ZNF235: variants seen among roughly 807,000 people sequenced by gnomAD.
ZNF235 encodes zfp-93.
A neutral mutation model predicts 29.4 loss-of-function variants in ZNF235; 25 were observed. That is an observed-to-expected ratio of 0.85 (90% CI 0.62 to 1.19). The LOEUF (loss-of-function observed/expected upper bound fraction) is 1.19. Ranked by LOEUF, ZNF235 falls within the 50% of genes most tolerant of loss-of-function variation. The probability of loss-of-function intolerance (pLI) is 0.00; values close to 1 mark genes in which losing one functional copy is unlikely to be tolerated. For synonymous variants in ZNF235, 300 were observed against 295.3 expected, an observed-to-expected ratio of 1.02 and a Z score of -0.16; for missense variants, 788 against 885.0, an observed-to-expected ratio of 0.89 and a Z score of 1.39.
At chr19:44,299,881 G>A (rs540804073) in intron 2 of ZNF235, 149 bp from the exon 3 acceptor site, 353 of 1,192,358 alleles carry the variant, frequency 3.0e-4, no homozygotes, top group African/African-American at 2.2e-3. Flanking sequence ...TACATGTAAC[G>A]TGGTGCCCTT....
chr19:44,292,913 G>T (rs1975604163), intron 4 of ZNF235, among the ~76,000 whole-genome samples: 1 of 152,048 alleles, frequency 6.6e-6, no homozygotes, highest in African/African-American at 2.4e-5. Context: ...CAAGCCAGAA[G>T]AGATTGGATT....
At chr19:44,301,988 A>C (rs911285135) in intron 2 of ZNF235, among the ~76,000 whole-genome samples, 1 of 152,238 alleles carries the variant, frequency 6.6e-6, no homozygotes, top group African/African-American at 2.4e-5. Flanking sequence ...TGCATCTTTA[A>C]AATATAATAA....
intron 4 of ZNF235, among the ~76,000 whole-genome samples, chr19:44,294,807 T>G (rs1398735022): frequency 6.6e-6 from 1 of 152,056 alleles, no homozygotes; most frequent in African/African-American, 2.4e-5. Flanking sequence ...TAAATGTGAT[T>G]CAGCCTATAA....
chr19:44,300,194 T>A (rs370745941), intron 2 of ZNF235, among the ~76,000 whole-genome samples: 3 of 152,140 alleles, frequency 2.0e-5, no homozygotes, highest in African/African-American at 7.2e-5. Context: ...CAAGGGTCTA[T>A]CCATTGCTAG....
Position 44,293,426 on chromosome 19 carries a change from A to G in ZNF235, c.239-4230T>C, listed in dbSNP as rs1369213364. Among the ~76,000 whole-genome samples, 3 of 152,246 alleles carry G rather than the reference A, an allele frequency of 2.0e-5. No homozygotes were observed. The East Asian group carries it at 5.8e-4, about 29-fold the overall frequency. On this transcript the variant is annotated intron_variant, in intron 4 of 4. Transcript: ENST00000291182. ...ACCAAACATCAGGGCACCCAAATTC[A>G]TAAAACAAATATTATTAGACCTAAA... is the stretch of plus-strand genomic sequence containing the variant.
At chr19:44,289,317 G>T in intron 4 of ZNF235, 121 bp from the exon 5 acceptor site, 1 of 857,584 alleles carries the variant, frequency 1.2e-6, no homozygotes, top group Non-Finnish European at 1.7e-6. Context: ...TAGACTGGCT[G>T]AAATAAATTT....
At position 44,288,761 on chromosome 19, in the gene ZNF235, T is replaced by C. The variant is rs1257494055; in HGVS notation, c.674A>G (p.Asp225Gly). The change falls in exon 5 of 5, where the codon GAT (aspartate) becomes GGT (glycine). Residue 225 changes from aspartate to glycine, a missense_variant. By Grantham distance (94) the Asp-to-Gly change is moderately conservative. Transcript: ENST00000291182. ...DIFSCISHHHDDNIVHKRDKV... is the reference protein window; with the variant it reads ...DIFSCISHHHGDNIVHKRDKV... ...ATCTCTTTTGTGCACTATATTATCA[T>C]CATGGTGGTGTGAAATACAACTGAA... 2 of 1,613,936 alleles carry C rather than the reference T, an allele frequency of 1.2e-6. No homozygotes were observed. The highest frequency in any genetic ancestry group is 1.7e-6 in the Non-Finnish European group (2 of 1,179,986).
In ZNF235 at chr19:44,288,630, C is replaced by A; in HGVS notation, c.805G>T (p.Glu269Ter). 6.2e-7 allele frequency: 1 copy of A among 1,614,044 alleles called. No homozygotes were observed. Among genetic ancestry groups the A allele is most frequent in the African/African-American group, 1.3e-5 (1 of 75,066 alleles). The change falls in exon 5 of 5, where the codon GAA becomes TAA. Residue 269 changes from glutamate (E) to a stop codon, truncating the protein, a stop_gained. Coordinates refer to ENST00000291182, the MANE Select transcript of ZNF235 (RefSeq NM_004234.4). LOFTEE classifies it low-confidence loss of function (END_TRUNC). ...GQKTYQGNEC[E>*]EAFNDSSSLE... ...CTGGAGCTATCATTGAAGGCTTCTT[C>A]ACATTCATTACCCTGGTAGGTTTTC...
chr19:44,299,504 TACACAGGATAGCCTGATACA>T, intron 3 of ZNF235, 82 bp downstream of exon 3: 1 of 1,479,438 alleles, frequency 6.8e-7, no homozygotes, highest in South Asian at 1.3e-5. Flanking sequence ...CATCCCAAAA[TACACAGGATAGCCTGATACA>T]ACACAGAATT....
At chr19:44,294,423 A>G (rs1263675275) in intron 4 of ZNF235, among the ~76,000 whole-genome samples, 2 of 152,110 alleles carry the variant, frequency 1.3e-5, no homozygotes, top group Admixed American at 1.3e-4. Flanking sequence ...TGAATCAGCA[A>G]TGCAAAACCT....
chr19:44,304,818 T>G, intron 1 of ZNF235, 153 bp downstream of exon 1: 1 of 985,488 alleles, frequency 1.0e-6, no homozygotes, highest in Non-Finnish European at 1.2e-6. Flanking sequence ...CAAGAGGTTC[T>G]GCCGAGGGGA....
In ZNF235 at chr19:44,287,834, T is replaced by C; in HGVS notation, c.1601A>G (p.Gln534Arg). The change falls in exon 5 of 5, where the codon CAG (glutamine) becomes CGG (arginine). Residue 534 changes from glutamine (Q) to arginine (R), a missense_variant. Coordinates refer to ENST00000291182, the MANE Select transcript of ZNF235 (RefSeq NM_004234.4). ...FSQSSYFQAH[Q>R]RVHTGEKPYK... ...TGGTTTTTCTCCAGTGTGGACTCTC[T>C]GATGTGCTTGAAAGTATGAACTCTG... 1.2e-6 allele frequency: 2 copies of C among 1,613,950 alleles called. No homozygotes were observed. Among genetic ancestry groups the C allele is most frequent in the Non-Finnish European group, 1.7e-6 (2 of 1,179,988 alleles).
At position 44,286,864 on chromosome 19, in the gene ZNF235, G is replaced by A. The variant is rs777889298; in HGVS notation, c.*354C>T. The stretch of plus-strand genomic sequence containing the variant: ...CTTACATAGAGGTTACATTTTAGTT[G>A]ACATCCATTTTTTCTGTCAATCATA... On this transcript the variant is annotated 3_prime_UTR_variant, in exon 5 of 5. Coordinates refer to ENST00000291182, the MANE Select transcript of ZNF235 (RefSeq NM_004234.4). 6 of 193,158 alleles carry A rather than the reference G, an allele frequency of 3.1e-5. No homozygotes were observed. The highest frequency in any genetic ancestry group is 5.3e-5 in the Non-Finnish European group (5 of 94,094). 12.0% of individuals were successfully genotyped at this position (193,158 alleles called of 1,614,324 possible).
intron 1 of ZNF235, among the ~76,000 whole-genome samples, chr19:44,304,216 ACT>A (rs1357556786): frequency 1.3e-5 from 2 of 152,142 alleles, no homozygotes; most frequent in Admixed American, 6.5e-5. Context: ...AAAACCTAAA[ACT>A]CTCTAAGAAA....
intron 1 of ZNF235, 26 bp downstream of exon 1, chr19:44,304,945 G>A (rs1044321881): frequency 1.8e-5 from 18 of 985,368 alleles, no homozygotes; most frequent in Non-Finnish European, 2.0e-5. Context: ...GCTCGGAGAA[G>A]TCTTGGAGAC....
At chr19:44,301,332 G>A (rs370432762) in intron 2 of ZNF235, among the ~76,000 whole-genome samples, 1 of 152,058 alleles carries the variant, frequency 6.6e-6, no homozygotes, top group Non-Finnish European at 1.5e-5. Flanking sequence ...CAAACAACTC[G>A]ATGACACATG....
chr19:44,296,466 A>G (rs1365476425), intron 4 of ZNF235, among the ~76,000 whole-genome samples: 1 of 152,228 alleles, frequency 6.6e-6, no homozygotes. Flanking sequence ...TGTAAAATGA[A>G]TGTTAAAACT....
intron 2 of ZNF235, among the ~76,000 whole-genome samples, chr19:44,302,512 AT>A (rs1248949227): frequency 6.6e-6 from 1 of 151,962 alleles, no homozygotes. Context: ...TTTAAAAAAT[AT>A]ATCTGTTAGG....
intron 1 of ZNF235, 113 bp from the exon 2 acceptor site, chr19:44,303,565 A>G: frequency 2.2e-6 from 2 of 925,574 alleles, no homozygotes; most frequent in Non-Finnish European, 3.2e-6. Context: ...ACACAGTTGC[A>G]CACGGCTTAG....
Sources: allele counts gnomAD v4.1 joint callset (sites outside exome capture counted in the v4.1 genomes callset), GRCh38; gene constraint gnomAD v4.1.1; transcripts MANE v1.5; gene names NCBI Gene and HGNC (gene_info 2026-07-23, HGNC 2026-07-21).